The following LGSN variants were observed in gnomAD, a reference collection of about 807,000 sequenced individuals.
LGSN encodes lengsin.
A neutral mutation model predicts 19.5 loss-of-function variants in LGSN; 21 were observed. The ratio of observed to expected loss-of-function variants is 1.07; its 90% CI spans 0.76 to 1.55. The LOEUF is 1.55. LGSN is among the 40% of genes most tolerant of loss of function. The pLI is 0.00. For missense variants in LGSN, 673 were observed against 608.5 expected (o/e 1.11, Z -1.12); for synonymous variants, 257 against 215.6 (o/e 1.19, Z -1.68).
the LGSN span, among the ~76,000 whole-genome samples, chr6:63,538,058 A>G: frequency 6.6e-6 from 1 of 152,262 alleles, no homozygotes; most frequent in African/African-American, 2.4e-5. Flanking sequence ...TATCTCTGAA[A>G]TTATTTTGCA....
At chr6:63,406,871 C>T in the LGSN span, among the ~76,000 whole-genome samples, 1 of 152,070 alleles carries the variant, frequency 6.6e-6, no homozygotes, top group Non-Finnish European at 1.5e-5. Context: ...CACAGAAATA[C>T]AAACTACCAT....
At chr6:63,336,117 T>C in the LGSN span, among the ~76,000 whole-genome samples, 11 of 152,140 alleles carry the variant, frequency 7.2e-5, no homozygotes. Flanking sequence ...GATACAAACA[T>C]ACAGTTAAAT....
At chr6:63,399,394 A>ATT in the LGSN span, among the ~76,000 whole-genome samples, 269 of 140,770 alleles carry the variant, frequency 1.9e-3, 1 homozygote, top group African/African-American at 6.3e-3. Context: ...AACAGTACTA[A>ATT]TTTTTTTTTT....
At chr6:63,333,445 G>T in the LGSN span, among the ~76,000 whole-genome samples, 11 of 150,382 alleles carry the variant, frequency 7.3e-5, no homozygotes, top group Non-Finnish European at 1.2e-4. Flanking sequence ...AAGAAAAGAG[G>T]GAAGGGGAGG....
At chr6:63,412,088 C>A in the LGSN span, among the ~76,000 whole-genome samples, 1 of 151,930 alleles carries the variant, frequency 6.6e-6, no homozygotes, top group Non-Finnish European at 1.5e-5. Context: ...GAGGGCAGGT[C>A]GGGCAAAGTG....
chr6:63,516,728 G>A, the LGSN span, among the ~76,000 whole-genome samples: 245 of 152,274 alleles, frequency 1.6e-3, no homozygotes, highest in Non-Finnish European at 3.0e-3. Context: ...TGAGTTTTGG[G>A]ATATATGTGG....
chr6:63,500,461 G>T, the LGSN span, among the ~76,000 whole-genome samples: 2 of 151,064 alleles, frequency 1.3e-5, no homozygotes, highest in East Asian at 3.9e-4. Flanking sequence ...CACTCTTGTT[G>T]CCCAGGCTGG....
chr6:63,449,590 A>G, the LGSN span, among the ~76,000 whole-genome samples: 1 of 152,098 alleles, frequency 6.6e-6, no homozygotes, highest in African/African-American at 2.4e-5. Flanking sequence ...AATGGTGACT[A>G]GAAATTCAAA....
chr6:63,481,287 T>A, the LGSN span, among the ~76,000 whole-genome samples: 3 of 151,982 alleles, frequency 2.0e-5, no homozygotes, highest in African/African-American at 7.3e-5. Context: ...GTACACTAAA[T>A]CTCAGAATTC....
the LGSN span, among the ~76,000 whole-genome samples, chr6:63,330,899 G>A: frequency 3.9e-5 from 6 of 152,302 alleles, no homozygotes; most frequent in Admixed American, 6.5e-5. Flanking sequence ...CCCTCCAAGC[G>A]AGGTCAAAGG....
chr6:63,459,603 G>A, the LGSN span, among the ~76,000 whole-genome samples: 1 of 150,070 alleles, frequency 6.7e-6, no homozygotes, highest in Non-Finnish European at 1.5e-5. Flanking sequence ...AAGTCTATAT[G>A]TATATTGCCC....
chr6:63,343,695 T>C, the LGSN span, among the ~76,000 whole-genome samples: 450 of 152,346 alleles, frequency 3.0e-3, 3 homozygotes, highest in African/African-American at 0.01. Context: ...TTTGGTTATT[T>C]AATCAAACTA....
chr6:63,431,490 C>A, the LGSN span, among the ~76,000 whole-genome samples: 1 of 152,188 alleles, frequency 6.6e-6, no homozygotes, highest in Non-Finnish European at 1.5e-5. Flanking sequence ...CAGTTAAGAG[C>A]ATGAGTTTTG....
the LGSN span, among the ~76,000 whole-genome samples, chr6:63,420,902 G>T: frequency 1.3e-5 from 2 of 151,790 alleles, no homozygotes; most frequent in Non-Finnish European, 2.9e-5. Context: ...TCTCAGCAAA[G>T]AAATCAAAAG....
At chr6:63,284,834 C>T (rs1767462037) in intron 3 of LGSN, among the ~76,000 whole-genome samples, 1 of 152,128 alleles carries the variant, frequency 6.6e-6, no homozygotes, top group Non-Finnish European at 1.5e-5. Flanking sequence ...TTTTCCCCAA[C>T]ATGAAACAAA....
chr6:63,511,246 C>CTT, the LGSN span, among the ~76,000 whole-genome samples: 851 of 131,276 alleles, frequency 6.5e-3, no homozygotes, highest in Non-Finnish European at 0.011. Flanking sequence ...AAATAGATTT[C>CTT]TTTTTTTTTT....
At chr6:63,570,053 G>T in the LGSN span, among the ~76,000 whole-genome samples, 1 of 152,242 alleles carries the variant, frequency 6.6e-6, no homozygotes, top group Admixed American at 6.5e-5. Flanking sequence ...GGATTGGTCA[G>T]CAAGACCACA....
At chr6:63,516,904 A>G in the LGSN span, among the ~76,000 whole-genome samples, 1 of 152,178 alleles carries the variant, frequency 6.6e-6, no homozygotes, top group East Asian at 1.9e-4. Context: ...GAGGTATTAG[A>G]CAGAAAGAGA....
the LGSN span, among the ~76,000 whole-genome samples, chr6:63,327,979 C>T: frequency 1.3e-5 from 2 of 152,142 alleles, no homozygotes; most frequent in Admixed American, 1.3e-4. Context: ...AGTGGGGGTT[C>T]CCAGAGGTTA....
Sources: gnomAD v4.1 joint callset for allele counts (sites outside exome capture counted in the v4.1 genomes callset) on GRCh38, gnomAD v4.1.1 for gene constraint, MANE v1.5 for transcripts, NCBI Gene and HGNC (gene_info 2026-07-23, HGNC 2026-07-21) for gene names.